PCDHA13: variants seen among roughly 807,000 people sequenced by gnomAD.
PCDHA13 encodes protocadherin alpha 13, also known as protocadherin alpha-13.
In PCDHA13, 54 loss-of-function variants were observed where a neutral mutation model predicts 64.8. The ratio of observed to expected loss-of-function variants is 0.83; its 90% CI spans 0.67 to 1.04. The LOEUF is 1.04. PCDHA13 is among the 50% of genes least tolerant of loss of function. The pLI is 0.00. For synonymous variants in PCDHA13, 587 were observed against 564.4 expected (o/e 1.04, Z -0.57); for missense variants, 1,248 against 1,254.3 (o/e 0.99, Z 0.08).
chr5:140,947,270 T>C (rs1230948656), intron 1 of PCDHA13, among the ~76,000 whole-genome samples: 1 of 151,546 alleles, frequency 6.6e-6, no homozygotes, highest in Non-Finnish European at 1.5e-5. Context: ...TTGTTGAAAA[T>C]ACTTTTTCTT....
In PCDHA13 at chr5:141,009,994, C is replaced by T; in HGVS notation, c.*57C>T. 1.3e-6 allele frequency: 2 copies of T among 1,577,076 alleles called. No individual in the cohort carries two copies. Among genetic ancestry groups the T allele is most frequent in the South Asian group, 1.2e-5 (1 of 83,074 alleles). On this transcript the variant is annotated 3_prime_UTR_variant, in exon 4 of 4. Transcript: ENST00000289272. Reference sequence around the variant, plus strand: ...GTTTTTGTAATAATGGCAAATCTCTCCCATGTAGCAATTCCCTGCTCCTTT... The same window carrying T: ...GTTTTTGTAATAATGGCAAATCTCTTCCATGTAGCAATTCCCTGCTCCTTT...
At chr5:140,987,149 G>C (rs1380803903) in intron 3 of PCDHA13, among the ~76,000 whole-genome samples, 2 of 151,884 alleles carry the variant, frequency 1.3e-5, no homozygotes, top group African/African-American at 4.8e-5. Flanking sequence ...GGGAGGTGGA[G>C]GTTGCAGTGA....
intron 1 of PCDHA13, chr5:140,928,085 T>G: frequency 1.9e-6 from 3 of 1,614,236 alleles, no homozygotes; most frequent in Non-Finnish European, 8.5e-7. Flanking sequence ...TACAGCCTGC[T>G]GATTGATGGG....
chr5:140,979,870 A>G (rs376036380), intron 2 of PCDHA13, among the ~76,000 whole-genome samples: 2 of 152,388 alleles, frequency 1.3e-5, no homozygotes, highest in South Asian at 2.1e-4. Context: ...TATCTGGGCA[A>G]CTATCAAGTG....
chr5:140,989,139 C>G (rs1308771993), intron 3 of PCDHA13, among the ~76,000 whole-genome samples: 1 of 152,136 alleles, frequency 6.6e-6, no homozygotes, highest in African/African-American at 2.4e-5. Context: ...ACACTTTATC[C>G]CTTCTTTTGT....
intron 1 of PCDHA13, among the ~76,000 whole-genome samples, chr5:140,888,270 GT>G (rs2061763105): frequency 6.6e-6 from 1 of 152,102 alleles, no homozygotes; most frequent in Non-Finnish European, 1.5e-5. Context: ...ATAAGAAACA[GT>G]TTTGTCCCCT....
chr5:140,971,386 G>A (rs1413710321), intron 1 of PCDHA13, among the ~76,000 whole-genome samples: 1 of 152,140 alleles, frequency 6.6e-6, no homozygotes, highest in East Asian at 1.9e-4. Flanking sequence ...CTTTAATAAA[G>A]GCAAATTTCT....
rs1274160852 is a variant in PCDHA13, at chr5:140,922,009, TA to T, written c.2394+37354del. On this transcript the variant is annotated intron_variant, in intron 1 of 3. Coordinates refer to ENST00000289272, the MANE Select transcript of PCDHA13 (RefSeq NM_018904.3). ...AAAGAGTTCAATGAAATGATTAGTTTAAAAAAATAAATATAAAAAATGTAAT... is the reference window on the plus strand; with the variant it reads ...AAAGAGTTCAATGAAATGATTAGTTTAAAAAATAAATATAAAAAATGTAAT... 1.3e-5 allele frequency among the ~76,000 whole-genome samples: 2 copies of T among 152,076 alleles called. 1 individual carries two copies. The highest frequency in any genetic ancestry group is 4.8e-5 in the African/African-American group (2 of 41,508).
At chr5:140,985,982 G>A (rs1380609067) in intron 3 of PCDHA13, among the ~76,000 whole-genome samples, 3 of 151,940 alleles carry the variant, frequency 2.0e-5, no homozygotes, top group East Asian at 1.9e-4. Flanking sequence ...CTCGTGATCC[G>A]CCCACCTCAG....
At chr5:141,005,701 CAAA>C (rs59860837) in intron 3 of PCDHA13, among the ~76,000 whole-genome samples, 30 of 7,778 alleles carry the variant, frequency 3.9e-3, no homozygotes, top group African/African-American at 0.012. Context: ...AACTCCGTCT[CAAA>C]AAAAAAAAAA....
At chr5:140,967,958 CG>C in intron 1 of PCDHA13, 1 of 1,614,182 alleles carries the variant, frequency 6.2e-7, no homozygotes, top group Non-Finnish European at 8.5e-7. Flanking sequence ...AGGCCCCAAC[CG>C]GAAAGTGAGC....
intron 1 of PCDHA13, among the ~76,000 whole-genome samples, chr5:140,935,451 T>C (rs2090381894): frequency 6.6e-6 from 1 of 152,232 alleles, no homozygotes; most frequent in African/African-American, 2.4e-5. Context: ...AATATGATAC[T>C]GTAGCAGTTT....
At chr5:140,975,552 G>A (rs1416724640) in intron 1 of PCDHA13, among the ~76,000 whole-genome samples, 1 of 152,200 alleles carries the variant, frequency 6.6e-6, no homozygotes, top group Non-Finnish European at 1.5e-5. Flanking sequence ...CTATTAGGAA[G>A]GAAAAGGAGA....
In PCDHA13 at chr5:140,946,631, T is replaced by TATAC. The variant is rs57893927; in HGVS notation, c.2395-32317_2395-32316insTACA. ...TGTGAAATATATATATATATATATA[T>TATAC]ACAATGGAATACTCATCAGCCATTA... On this transcript the variant is annotated intron_variant, in intron 1 of 3. Transcript: ENST00000289272. 2.4e-4 allele frequency among the ~76,000 whole-genome samples: 32 copies of TATAC among 131,838 alleles called. 1 individual carries two copies. The highest frequency in any genetic ancestry group is 4.2e-4 in the African/African-American group (12 of 28,706). 86.5% of individuals were successfully genotyped at this position (131,838 alleles called of 152,430 possible).
At position 140,884,409 on chromosome 5, in the gene PCDHA13, C is replaced by A. The variant is rs373513056; in HGVS notation, c.2141C>A (p.Thr714Lys). 6.2e-7 allele frequency: 1 copy of A among 1,613,992 alleles called. No individual in the cohort carries two copies. The highest frequency in any genetic ancestry group is 8.5e-7 in the Non-Finnish European group (1 of 1,179,884). Reference protein sequence around the residue: ...ICAVSSLLVLTLLLYTALRCS... With the variant: ...ICAVSSLLVLKLLLYTALRCS... Reference sequence around the variant, plus strand: ...GCGGTGTCCAGCCTGTTGGTGCTCACGTTGCTGCTGTATACTGCGCTGCGG... The same window carrying A: ...GCGGTGTCCAGCCTGTTGGTGCTCAAGTTGCTGCTGTATACTGCGCTGCGG... Residue 714 changes from threonine (T) to lysine (K), a missense_variant, in exon 1 of 4, where the codon ACG becomes AAG. Coordinates refer to ENST00000289272, the MANE Select transcript of PCDHA13 (RefSeq NM_018904.3).
intron 1 of PCDHA13, among the ~76,000 whole-genome samples, chr5:140,909,261 G>A (rs1358542746): frequency 6.6e-6 from 1 of 152,226 alleles, no homozygotes; most frequent in Admixed American, 6.5e-5. Flanking sequence ...CTTGCTGACT[G>A]AAGGCAAATT....
chr5:140,992,976 AG>A (rs2097535791), intron 3 of PCDHA13, among the ~76,000 whole-genome samples: 3 of 152,240 alleles, frequency 2.0e-5, no homozygotes, highest in Non-Finnish European at 4.4e-5. Flanking sequence ...GACAATGATT[AG>A]GCCATGGGAC....
At chr5:140,954,222 G>A (rs2094999300) in intron 1 of PCDHA13, among the ~76,000 whole-genome samples, 1 of 152,132 alleles carries the variant, frequency 6.6e-6, no homozygotes, top group African/African-American at 2.4e-5. Context: ...TTTTGCTATT[G>A]TGAATAGTGC....
chr5:140,897,349 A>G (rs539353387), intron 1 of PCDHA13, among the ~76,000 whole-genome samples: 33 of 107,320 alleles, frequency 3.1e-4, no homozygotes, highest in African/African-American at 1.0e-3. Flanking sequence ...CCACCCCACA[A>G]CTGTCCCCAG....
Sources: gnomAD v4.1 joint callset for allele counts (sites outside exome capture counted in the v4.1 genomes callset) on GRCh38, gnomAD v4.1.1 for gene constraint, MANE v1.5 for transcripts, NCBI Gene and HGNC (gene_info 2026-07-23, HGNC 2026-07-21) for gene names.